Variants in ANKRD44 observed in about 807,000 individuals in gnomAD.
The protein encoded by ANKRD44 is ankyrin repeat domain 44, also known as serine/threonine-protein phosphatase 6 regulatory ankyrin repeat subunit B.
In ANKRD44, 35 loss-of-function variants were observed where a neutral mutation model predicts 116.0. That is an observed-to-expected ratio of 0.30 (90% confidence interval 0.23 to 0.40). The LOEUF (loss-of-function observed/expected upper bound fraction) is 0.40, where lower values mean the gene tolerates loss of function less well. Among genes scored for constraint, ANKRD44 ranks in the 10% least tolerant of loss-of-function variants. The probability of loss-of-function intolerance (pLI) is 1.00; values close to 1 mark genes in which losing one functional copy is unlikely to be tolerated. For synonymous variants in ANKRD44, 435 were observed against 461.8 expected, an observed-to-expected ratio of 0.94 and a Z score of 0.74; for missense variants, 1,014 against 1,242.6, an observed-to-expected ratio of 0.82 and a Z score of 2.77.
chr2:197,100,441 A>G (rs1233397452), intron 9 of ANKRD44, among the ~76,000 whole-genome samples: 2 of 151,512 alleles, frequency 1.3e-5, no homozygotes, highest in African/African-American at 4.9e-5. Context: ...TCTCAAAAAA[A>G]AAGAAAAAGA....
At chr2:197,235,688 T>C (rs936604433) in intron 1 of ANKRD44, among the ~76,000 whole-genome samples, 6 of 149,392 alleles carry the variant, frequency 4.0e-5, no homozygotes, top group Non-Finnish European at 8.9e-5. Context: ...GCTGGGGAGA[T>C]ATATAAATAA....
At chr2:197,277,699 A>G (rs1448541753) in intron 1 of ANKRD44, among the ~76,000 whole-genome samples, 1 of 152,160 alleles carries the variant, frequency 6.6e-6, no homozygotes, top group African/African-American at 2.4e-5. Context: ...CCAGAGGGAA[A>G]CAGGTAGGGG....
chr2:197,144,914 G>A (rs985962584), intron 3 of ANKRD44, among the ~76,000 whole-genome samples: 1 of 152,140 alleles, frequency 6.6e-6, no homozygotes, highest in African/African-American at 2.4e-5. Context: ...ACAACACAAA[G>A]TTGGCATATA....
rs779873543 is a variant in ANKRD44 at position 197,078,724 on chromosome 2, C to A, written c.1629G>T (p.Gly543=). Reference sequence around the variant, plus strand: ...TCACCAATTCCAGACACTGCCTGTGCCCATAGGCGGCAGCATAATGTATGC... The same window carrying A: ...TCACCAATTCCAGACACTGCCTGTGACCATAGGCGGCAGCATAATGTATGC... ...YNSIHYAAAY[G]HRQCLELLLE... is the part of the protein sequence containing the mutation. The change falls in exon 16 of 28, where the codon GGG becomes GGT. Residue 543 remains glycine (G), a synonymous_variant. Coordinates refer to ENST00000282272, the MANE Select transcript of ANKRD44 (RefSeq NM_001195144.2). 1.2e-6 allele frequency: 2 copies of A among 1,610,852 alleles called. No individual in the cohort carries two copies. Among genetic ancestry groups the A allele is most frequent in the African/African-American group, 1.3e-5 (1 of 74,584 alleles).
At chr2:197,147,829 G>A (rs1039365537) in intron 2 of ANKRD44, 2 of 453,456 alleles carry the variant, frequency 4.4e-6, no homozygotes, top group African/African-American at 4.0e-5. Context: ...AGAGTGGTCA[G>A]TGAGGCCTTT....
At chr2:197,237,087 C>T (rs141612372) in intron 1 of ANKRD44, among the ~76,000 whole-genome samples, 3 of 152,304 alleles carry the variant, frequency 2.0e-5, no homozygotes, top group East Asian at 3.9e-4. Context: ...TTAGAGCAAA[C>T]TCGACTCCTT....
At chr2:197,148,715 T>C (rs1390770152) in intron 2 of ANKRD44, among the ~76,000 whole-genome samples, 1 of 152,122 alleles carries the variant, frequency 6.6e-6, no homozygotes, top group Non-Finnish European at 1.5e-5. Context: ...GTCTGGTAAG[T>C]AGGTTTTATA....
chr2:196,990,750 C>G (rs2075900276), intron 27 of ANKRD44: 3 of 1,232,066 alleles, frequency 2.4e-6, no homozygotes, highest in African/African-American at 3.1e-5. Context: ...ACTGCACAGG[C>G]TAACCATGCT....
chr2:197,257,873 A>G (rs916273298), intron 1 of ANKRD44, among the ~76,000 whole-genome samples: 2 of 152,160 alleles, frequency 1.3e-5, no homozygotes, highest in African/African-American at 4.8e-5. Context: ...CTCCGTGCCA[A>G]TTAAACAATA....
intron 1 of ANKRD44, among the ~76,000 whole-genome samples, chr2:197,187,482 C>A (rs10211215): frequency 0.39 from 59,256 of 151,958 alleles, 14,828 homozygotes; most frequent in African/African-American, 0.72. Context: ...TCCCCACCAA[C>A]ATTGATATGT....
chr2:197,250,408 G>A (rs1046615497), intron 1 of ANKRD44, among the ~76,000 whole-genome samples: 4 of 152,192 alleles, frequency 2.6e-5, no homozygotes, highest in African/African-American at 4.8e-5. Context: ...AAAGGCACAC[G>A]CTCACTTCCA....
At chr2:197,175,482 G>T (rs903777638) in intron 2 of ANKRD44, among the ~76,000 whole-genome samples, 2 of 152,146 alleles carry the variant, frequency 1.3e-5, no homozygotes, top group African/African-American at 4.8e-5. Context: ...GATGACAAAA[G>T]ACAGATGCTG....
chr2:197,128,242 T>TA lies in ANKRD44; in HGVS notation c.262-2206dup, dbSNP rs1326748471. Reference sequence around the variant, plus strand: ...ACACTGTCTTCCACAATGGTTGAACTAATTTATTCCCACCAACAGTGCAAA... The same window carrying TA: ...ACACTGTCTTCCACAATGGTTGAACTAAATTTATTCCCACCAACAGTGCAAA... On this transcript the variant is annotated intron_variant, in intron 4 of 27. Transcript: ENST00000282272. Among the ~76,000 whole-genome samples the TA allele has an allele frequency of 2.6e-5, 4 of 152,358 alleles. No homozygotes were observed. The East Asian group carries it at 7.7e-4, about 29-fold the overall frequency.
At chr2:197,145,248 G>A (rs193131859) in intron 3 of ANKRD44, among the ~76,000 whole-genome samples, 4 of 152,068 alleles carry the variant, frequency 2.6e-5, no homozygotes, top group Non-Finnish European at 5.9e-5. Flanking sequence ...CTGAGATCAC[G>A]CCACTGCACT....
intron 17 of ANKRD44, 135 bp downstream of exon 17, chr2:197,025,061 G>A: frequency 1.3e-6 from 1 of 786,852 alleles, no homozygotes; most frequent in Non-Finnish European, 2.1e-6. Context: ...TCCACAGCCT[G>A]TGCCTTTTAC....
At chr2:197,011,040 G>A (rs979292675) in intron 18 of ANKRD44, among the ~76,000 whole-genome samples, 7 of 152,160 alleles carry the variant, frequency 4.6e-5, no homozygotes, top group African/African-American at 1.7e-4. Context: ...TATGTATCTC[G>A]GGAGGAAATT....
downstream of ANKRD44, among the ~76,000 whole-genome samples, chr2:196,981,781 A>AAAT (rs919930457): frequency 5.9e-5 from 9 of 151,968 alleles, no homozygotes; most frequent in Non-Finnish European, 1.0e-4. Context: ...CTCCATCTCA[A>AAAT]AATAATAATA....
chr2:197,225,624 G>A (rs547306398), intron 1 of ANKRD44, among the ~76,000 whole-genome samples: 12 of 152,326 alleles, frequency 7.9e-5, no homozygotes, highest in South Asian at 4.1e-4. Context: ...GATTATAGGC[G>A]TGAGCCACCA....
At position 196,998,896 on chromosome 2, in the gene ANKRD44, C is replaced by A; in HGVS notation, c.2665+11G>T. 1 of 1,612,966 alleles carries A rather than the reference C, an allele frequency of 6.2e-7. No individual in the cohort carries two copies. Among genetic ancestry groups the A allele is most frequent in the South Asian group, 1.1e-5 (1 of 90,846 alleles). On this transcript the variant is annotated intron_variant, in intron 24 of 27. Coordinates refer to ENST00000282272, the MANE Select transcript of ANKRD44 (RefSeq NM_001195144.2). Reference sequence around the variant, plus strand: ...GGGCATAAGGGCAAAGTCCATACAACAAGCACATACCCACAGCGCCTGCCT... The same window carrying A: ...GGGCATAAGGGCAAAGTCCATACAAAAAGCACATACCCACAGCGCCTGCCT...
Sources: allele counts gnomAD v4.1 joint callset (sites outside exome capture counted in the v4.1 genomes callset), GRCh38; gene constraint gnomAD v4.1.1; transcripts MANE v1.5; gene names NCBI Gene and HGNC (gene_info 2026-07-23, HGNC 2026-07-21).